The following DOCK5 variants were observed in gnomAD, a reference collection of about 807,000 sequenced individuals.
The protein encoded by DOCK5 is dedicator of cytokinesis protein 5.
Under a neutral mutation model 251.8 loss-of-function variants are expected in DOCK5, and 142 were observed. The observed-to-expected ratio is 0.56, with a 90% CI of 0.49 to 0.65. The LOEUF is 0.65. Ranked by LOEUF, DOCK5 falls within the 30% of genes least tolerant of loss-of-function variation. DOCK5 has a pLI of 0.00. For synonymous variants in DOCK5, 842 were observed against 835.5 expected (o/e 1.01, Z -0.13); for missense variants, 2,111 against 2,312.3 (o/e 0.91, Z 1.79).
chr8:25,194,943 C>T (rs536427064), intron 1 of DOCK5, among the ~76,000 whole-genome samples: 12 of 151,666 alleles, frequency 7.9e-5, no homozygotes, highest in African/African-American at 1.5e-4. Flanking sequence ...CTTTTGGGGA[C>T]GGAGTCTCGC....
rs765704175 is a variant in DOCK5, at chr8:25,367,024, A to T, written c.3224+54A>T. The T allele has an allele frequency of 9.2e-5, 134 of 1,450,680 alleles. 1 individual carries two copies. The highest frequency in any genetic ancestry group is 1.3e-4 in the Non-Finnish European group (133 of 1,040,430). 89.9% of individuals were successfully genotyped at this position (1,450,680 alleles called of 1,614,324 possible). ...GAAGGGGCTTCTTCCATTTGTTTAC[A>T]TTGAGAGCAATATTTTAGGTATCAC... On this transcript the variant is annotated intron_variant, in intron 31 of 51. Coordinates refer to ENST00000276440, the MANE Select transcript of DOCK5 (RefSeq NM_024940.8).
intron 1 of DOCK5, among the ~76,000 whole-genome samples, chr8:25,215,503 A>G (rs1177490228): frequency 1.3e-5 from 2 of 152,054 alleles, no homozygotes; most frequent in African/African-American, 4.8e-5. Context: ...CACTGGTGCA[A>G]CTTGTCCACT....
At chr8:25,305,962 A>G (rs1231274913) in intron 11 of DOCK5, among the ~76,000 whole-genome samples, 1 of 152,122 alleles carries the variant, frequency 6.6e-6, no homozygotes, top group Non-Finnish European at 1.5e-5. Context: ...GTAATATATA[A>G]AATATAACAA....
intron 1 of DOCK5, among the ~76,000 whole-genome samples, chr8:25,185,387 C>G (rs562848000): frequency 0.014 from 2,067 of 152,242 alleles, 54 homozygotes; most frequent in African/African-American, 0.047. Flanking sequence ...CTGCCCCCCG[C>G]TTTCGTAGGT....
rs1299479167 is a variant in DOCK5 at position 25,414,454 on chromosome 8, G to A, written c.*3156G>A. The A allele has an allele frequency of 6.6e-6, 1 of 152,180 alleles. No homozygotes were observed. Among genetic ancestry groups the A allele is most frequent in the South Asian group, 2.1e-4 (1 of 4,828 alleles). 9.4% of individuals were successfully genotyped at this position (152,180 alleles called of 1,614,324 possible). A position where few individuals can be genotyped will look rare whatever the true frequency, so the allele number is the denominator to read the frequency against. ...CCAAGGAAATCCATTAAAAACTGCA[G>A]CCACACTGCAATTTCCTAATGTAGA... On this transcript the variant is annotated 3_prime_UTR_variant, in exon 52 of 52. Coordinates refer to ENST00000276440, the MANE Select transcript of DOCK5 (RefSeq NM_024940.8).
intron 6 of DOCK5, among the ~76,000 whole-genome samples, chr8:25,293,122 T>A (rs867943698): frequency 2.3e-4 from 35 of 152,188 alleles, no homozygotes; most frequent in African/African-American, 7.7e-4. Context: ...TGACCAGCAC[T>A]TTTTTAAAAG....
Position 25,351,799 on chromosome 8 carries a change from T to G in DOCK5, c.2823T>G (p.Ile941Met). ...RLLRRINRTV[I>M]GMNRQSPHIG... Reference sequence around the variant, plus strand: ...TGAGAAGGATCAACCGGACAGTGATTGGGATGAACCGGCAGTCTCCCCACA... The same window carrying G: ...TGAGAAGGATCAACCGGACAGTGATGGGGATGAACCGGCAGTCTCCCCACA... Residue 941 changes from isoleucine to methionine, a missense_variant, in exon 27 of 52, where the codon ATT becomes ATG. By Grantham distance (10) the Ile-to-Met change is conservative. This residue lies in a region of DOCK5 where 1,717 missense variants were observed against 1,892.4 expected (regional missense o/e 0.91). Coordinates refer to ENST00000276440, the MANE Select transcript of DOCK5 (RefSeq NM_024940.8). The G allele has an allele frequency of 6.2e-7, 1 of 1,613,880 alleles. No homozygotes were observed. Among genetic ancestry groups the G allele is most frequent in the Non-Finnish European group, 8.5e-7 (1 of 1,179,846 alleles).
chr8:25,219,943 G>A (rs1275800079), intron 1 of DOCK5, among the ~76,000 whole-genome samples: 1 of 151,320 alleles, frequency 6.6e-6, no homozygotes, highest in Non-Finnish European at 1.5e-5. Context: ...TACTCATTTT[G>A]TATATTCTTT....
chr8:25,333,655 A>G (rs1181060360), intron 20 of DOCK5, among the ~76,000 whole-genome samples: 1 of 152,162 alleles, frequency 6.6e-6, no homozygotes, highest in African/African-American at 2.4e-5. Flanking sequence ...TACAAGAGGT[A>G]ATTGGGAGAT....
intron 1 of DOCK5, among the ~76,000 whole-genome samples, chr8:25,193,974 T>G (rs1016573368): frequency 2.0e-5 from 3 of 151,738 alleles, no homozygotes; most frequent in African/African-American, 7.3e-5. Context: ...ACAATGAGGA[T>G]CTACTGTAGT....
intron 50 of DOCK5, chr8:25,409,816 A>G (rs998623344): frequency 4.5e-5 from 10 of 223,620 alleles, no homozygotes; most frequent in Non-Finnish European, 8.1e-5. Flanking sequence ...ACTGCACTCC[A>G]GCCTGGGCAA....
intron 1 of DOCK5, among the ~76,000 whole-genome samples, chr8:25,205,186 CT>C (rs1184200469): frequency 2.6e-5 from 4 of 152,072 alleles, no homozygotes; most frequent in African/African-American, 7.2e-5. Flanking sequence ...GTGTCAGCCC[CT>C]GTGCCTGGTC....
chr8:25,300,548 TA>T, intron 8 of DOCK5, 27 bp from the exon 9 acceptor site: 1 of 1,503,316 alleles, frequency 6.7e-7, no homozygotes, highest in South Asian at 1.2e-5. Context: ...AGCCTCTCAT[TA>T]AGAGCAATTT....
chr8:25,406,771 G>A (rs1801530593), intron 48 of DOCK5, among the ~76,000 whole-genome samples: 1 of 151,966 alleles, frequency 6.6e-6, no homozygotes, highest in African/African-American at 2.4e-5. Context: ...GGGACTACAG[G>A]CGCCCACCAC....
At position 25,415,563 on chromosome 8, in the gene DOCK5, A is replaced by T. The variant is rs1269885940; in HGVS notation, c.*4265A>T. 1 of 152,326 alleles carries T rather than the reference A, an allele frequency of 6.6e-6. No individual in the cohort carries two copies. Among genetic ancestry groups the T allele is most frequent in the Admixed American group, 6.5e-5 (1 of 15,292 alleles). 9.4% of individuals were successfully genotyped at this position (152,326 alleles called of 1,614,324 possible). A position where few individuals can be genotyped will look rare whatever the true frequency, so the allele number is the denominator to read the frequency against. On this transcript the variant is annotated 3_prime_UTR_variant, in exon 52 of 52. Transcript: ENST00000276440. ...GCCATATTTTGTGAGTCGTTTGTCT[A>T]AACTTTGTCAAAAATGCCTTTGCCA... is the stretch of plus-strand genomic sequence containing the variant.
At chr8:25,235,574 G>A (rs180704696) in intron 1 of DOCK5, among the ~76,000 whole-genome samples, 87 of 152,070 alleles carry the variant, frequency 5.7e-4, no homozygotes, top group Admixed American at 5.4e-3. Flanking sequence ...CTGTAATTTC[G>A]AATTGCCTTG....
At chr8:25,391,449 A>G (rs1801258491) in intron 42 of DOCK5, among the ~76,000 whole-genome samples, 1 of 151,994 alleles carries the variant, frequency 6.6e-6, no homozygotes, top group African/African-American at 2.4e-5. Context: ...CAGCCTGGCC[A>G]ACATGGTGAA....
intron 1 of DOCK5, among the ~76,000 whole-genome samples, chr8:25,214,227 T>A (rs1410191313): frequency 6.6e-6 from 1 of 152,122 alleles, no homozygotes; most frequent in Non-Finnish European, 1.5e-5. Flanking sequence ...GGTTCTGTTG[T>A]CTCCCTCACT....
At chr8:25,362,422 CTTTCTTTT>C (rs1275791468) in intron 28 of DOCK5, among the ~76,000 whole-genome samples, 2 of 148,702 alleles carry the variant, frequency 1.3e-5, no homozygotes, top group Non-Finnish European at 3.0e-5. Context: ...CTCCTTCCCA[CTTTCTTTT>C]TTTCCTTTTT....
Sources: gnomAD v4.1 joint callset for allele counts (sites outside exome capture counted in the v4.1 genomes callset) on GRCh38, gnomAD v4.1.1 for gene constraint, gnomAD v4.1.1 regional missense constraint, MANE v1.5 for transcripts, NCBI Gene and HGNC (gene_info 2026-07-23, HGNC 2026-07-21) for gene names.